ADAMTSL2: variants seen among roughly 807,000 people sequenced by gnomAD.
ADAMTSL2 encodes ADAMTS like 2, also known as ADAMTS-like protein 2.
Under a neutral mutation model 117.0 loss-of-function variants are expected in ADAMTSL2, and 55 were observed. The observed-to-expected ratio is 0.47, with a 90% CI of 0.38 to 0.59. The LOEUF is 0.59. Ranked by LOEUF, ADAMTSL2 falls within the 20% of genes least tolerant of loss-of-function variation. The pLI, the probability that ADAMTSL2 is intolerant of heterozygous loss-of-function variation, is 0.00. For missense variants in ADAMTSL2, 1,182 were observed against 1,354.5 expected (o/e 0.87, Z 2.00); for synonymous variants, 572 against 566.4 (o/e 1.01, Z -0.14).
chr9:133,538,256 A>G, intron 3 of ADAMTSL2, 93 bp from the exon 4 acceptor site: 1 of 1,463,346 alleles, frequency 6.8e-7, no homozygotes, highest in South Asian at 1.1e-5. Context: ...GGGTATCGGG[A>G]GATTCTGGAT....
At chr9:133,570,607 C>T in intron 17 of ADAMTSL2, 100 bp downstream of exon 17, 9 of 1,304,888 alleles carry the variant, frequency 6.9e-6, no homozygotes, top group South Asian at 1.3e-5. Flanking sequence ...TCCTGCTCCT[C>T]CCTCCCTGAC....
Position 133,574,748 on chromosome 9 carries a change from G to T in ADAMTSL2, c.2740G>T (p.Asp914Tyr). ...TTCGCTCTGTGTTCCTTCTCCAGATGACAGCTGCCAGGACCAGCCAGGCAC... is the reference window on the plus strand; with the variant it reads ...TTCGCTCTGTGTTCCTTCTCCAGATTACAGCTGCCAGGACCAGCCAGGCAC... ...LQPCPTEPPD[D>Y]SCQDQPGTNC... Residue 914 changes from aspartate to tyrosine, a missense_variant and splice_region_variant, in exon 19 of 19, where the codon GAC becomes TAC. Asp to Tyr is a radical substitution (Grantham distance 160). This residue lies in a region of ADAMTSL2 where 465 missense variants were observed against 565.3 expected (regional missense o/e 0.82). Transcript: ENST00000651351. 6.2e-7 allele frequency: 1 copy of T among 1,613,278 alleles called. No individual in the cohort carries two copies. Among genetic ancestry groups the T allele is most frequent in the Non-Finnish European group, 8.5e-7 (1 of 1,179,660 alleles).
Position 133,568,428 on chromosome 9 carries a change from G to A in ADAMTSL2, c.2030G>A (p.Arg677His), listed in dbSNP as rs991778063. The part of the protein sequence containing the change: ...EAAEAVRPEE[R>H]KTCRNPACGP... ...GCCGAGGCCGTGCGGCCCGAGGAAC[G>A]CAAGACCTGCCGGAACCCCGCCTGC... The change falls in exon 14 of 19, where the codon CGC becomes CAC. Residue 677 changes from arginine to histidine, a missense_variant. Arg to His is a conservative substitution (Grantham distance 29, BLOSUM62 0). This residue lies in a region of ADAMTSL2 where 465 missense variants were observed against 565.3 expected (regional missense o/e 0.82). Coordinates refer to ENST00000651351, the MANE Select transcript of ADAMTSL2 (RefSeq NM_014694.4). 85 of 1,608,782 alleles carry A rather than the reference G, an allele frequency of 5.3e-5. No homozygotes were observed. The highest frequency in any genetic ancestry group is 3.2e-4 in the South Asian group (29 of 90,366).
intron 8 of ADAMTSL2, among the ~76,000 whole-genome samples, chr9:133,545,019 G>T (rs1159301706): frequency 6.6e-6 from 1 of 152,208 alleles, no homozygotes. Context: ...TCCGCTGGGA[G>T]GCTGGGCTGT....
chr9:133,533,294 C>T (rs142153263), upstream of ADAMTSL2, among the ~76,000 whole-genome samples: 27 of 152,216 alleles, frequency 1.8e-4, 1 homozygote, highest in East Asian at 4.4e-3. Flanking sequence ...TGGTTCCACA[C>T]CGCAGGTGGC....
At chr9:133,544,701 G>A (rs1830307565) in intron 8 of ADAMTSL2, 151 bp downstream of exon 8, 2 of 771,104 alleles carry the variant, frequency 2.6e-6, no homozygotes, top group Middle Eastern at 2.3e-4. Context: ...CAGAACTTGA[G>A]CCAGCTGTGT....
At chr9:133,570,563 C>A in intron 17 of ADAMTSL2, 56 bp downstream of exon 17, 1 of 1,544,344 alleles carries the variant, frequency 6.5e-7, no homozygotes, top group Non-Finnish European at 8.8e-7. Flanking sequence ...GAATGTCGAT[C>A]CCGCCCCTCC....
Position 133,547,112 on chromosome 9 carries a change from G to A in ADAMTSL2, c.838G>A (p.Ala280Thr). The part of the protein sequence containing the change: ...KVDSPKNFNI[A>T]GTVVKYRRPM... Reference sequence around the variant, plus strand: ...GGACAGCCCCAAGAACTTCAACATCGCAGGCACGGTGGTCAAGTACAGGCG... The same window carrying A: ...GGACAGCCCCAAGAACTTCAACATCACAGGCACGGTGGTCAAGTACAGGCG... The change falls in exon 9 of 19, where the codon GCA becomes ACA. Residue 280 changes from alanine to threonine, a missense_variant. By Grantham distance (58) the Ala-to-Thr change is moderately conservative. Coordinates refer to ENST00000651351, the MANE Select transcript of ADAMTSL2 (RefSeq NM_014694.4). 1 of 1,613,874 alleles carries A rather than the reference G, an allele frequency of 6.2e-7. No homozygotes were observed. The highest frequency in any genetic ancestry group is 8.5e-7 in the Non-Finnish European group (1 of 1,179,784).
intron 18 of ADAMTSL2, 22 bp downstream of exon 18, chr9:133,574,009 G>C: frequency 1.2e-6 from 2 of 1,603,202 alleles, no homozygotes; most frequent in Non-Finnish European, 1.7e-6. Flanking sequence ...GGAGGCCGAG[G>C]GTGGCTCTGG....
rs1325833711 is a variant in ADAMTSL2 at position 133,575,053 on chromosome 9, C to T, written c.*189C>T. 1.3e-5 allele frequency: 8 copies of T among 603,440 alleles called. No homozygotes were observed. The highest frequency in any genetic ancestry group is 5.6e-5 in the Admixed American group (2 of 35,438). The allele number at this position is 603,440 out of a possible 1,614,324, so 37.4% of individuals were successfully genotyped here. ...CTTTGTGCTCCTGGGGCAGAGCCTC[C>T]GGCACCCAGTGGCCTCCCCCAGACA... On this transcript the variant is annotated 3_prime_UTR_variant, in exon 19 of 19. Transcript: ENST00000651351.
At chr9:133,539,686 G>GTCCCGGCTGTCCCGGCTTTCC in intron 4 of ADAMTSL2, 85 bp from the exon 5 acceptor site, 1 of 1,305,782 alleles carries the variant, frequency 7.7e-7, no homozygotes, top group Non-Finnish European at 1.1e-6. Context: ...TGTCCCGGCT[G>GTCCCGGCTGTCCCGGCTTTCC]CAGCCACTTC....
intron 17 of ADAMTSL2, among the ~76,000 whole-genome samples, chr9:133,571,019 C>T (rs910731988): frequency 3.9e-5 from 6 of 152,176 alleles, no homozygotes; most frequent in African/African-American, 7.2e-5. Flanking sequence ...CTGGCCCCTC[C>T]GAGATTCTTT....
In ADAMTSL2 at chr9:133,554,575, C is replaced by A. The variant is rs1013366056; in HGVS notation, c.1158C>A (p.Phe386Leu). Residue 386 changes from phenylalanine (F) to leucine (L), a missense_variant, in exon 10 of 19, where the codon TTC becomes TTA. By Grantham distance (22) the Phe-to-Leu change is conservative (BLOSUM62 0). This residue lies in a region of ADAMTSL2 where 345 missense variants were observed against 325.8 expected (regional missense o/e 1.06). Coordinates refer to ENST00000651351, the MANE Select transcript of ADAMTSL2 (RefSeq NM_014694.4). The surrounding 1 kb of genome is among the most constrained non-coding windows in gnomAD (Gnocchi z 5.2). Reference sequence around the variant, plus strand: ...GGCTGGGCCTGGACAACCGGCTGTTCGGCCACCCGGGCCTGGACATGGAGC... The same window carrying A: ...GGCTGGGCCTGGACAACCGGCTGTTAGGCCACCCGGGCCTGGACATGGAGC... The part of the protein sequence containing the change: ...SERLGLDNRL[F>L]GHPGLDMELG... 2 of 1,546,498 alleles carry A rather than the reference C, an allele frequency of 1.3e-6. No individual in the cohort carries two copies. The highest frequency in any genetic ancestry group is 1.7e-6 in the Non-Finnish European group (2 of 1,146,118).
intron 12 of ADAMTSL2, 82 bp downstream of exon 12, chr9:133,561,377 A>ACTAG: frequency 7.6e-7 from 1 of 1,312,222 alleles, no homozygotes; most frequent in South Asian, 1.3e-5. Context: ...GGGCCCACCC[A>ACTAG]CTAGCTTGCA....
Position 133,574,897 on chromosome 9 carries a change from C to A in ADAMTSL2, c.*33C>A. 6.5e-7 allele frequency: 1 copy of A among 1,547,196 alleles called. No homozygotes were observed. Among genetic ancestry groups the A allele is most frequent in the South Asian group, 1.1e-5 (1 of 89,986 alleles). Reference sequence around the variant, plus strand: ...AGCTGCAGCCCCTTCCAGATGAAGACCAAGCGCCCCTCCTGGGGCTGCTGC... The same window carrying A: ...AGCTGCAGCCCCTTCCAGATGAAGAACAAGCGCCCCTCCTGGGGCTGCTGC... On this transcript the variant is annotated 3_prime_UTR_variant, in exon 19 of 19. Transcript: ENST00000651351.
chr9:133,532,194 T>C (rs1022167591), upstream of ADAMTSL2: 1 of 152,122 alleles, frequency 6.6e-6, no homozygotes, highest in Non-Finnish European at 1.5e-5. Flanking sequence ...TTCTTTTTTT[T>C]CTCTCTCTTT....
rs1831025163 is a variant in ADAMTSL2, at chr9:133,568,374, G to C, written c.1976G>C (p.Ser659Thr). The C allele has an allele frequency of 6.2e-7, 1 of 1,604,250 alleles. No homozygotes were observed. The highest frequency in any genetic ancestry group is 1.7e-5 in the Admixed American group (1 of 58,862). The change falls in exon 14 of 19, where the codon AGC becomes ACC. Residue 659 changes from serine (S) to threonine (T), a missense_variant. By Grantham distance (58) the Ser-to-Thr change is moderately conservative. This residue lies in a region of ADAMTSL2 where 465 missense variants were observed against 565.3 expected (regional missense o/e 0.82). Transcript: ENST00000651351. ...AAGATGCTCTCGCCCGGCTTCGACA[G>C]CTCCGTGTACAGCGACCTGTGCGAG... ...CWKMLSPGFD[S>T]SVYSDLCEAA...
chr9:133,569,667 G>A (rs1435063384), intron 16 of ADAMTSL2, 89 bp downstream of exon 16: 20 of 1,324,764 alleles, frequency 1.5e-5, no homozygotes, highest in Non-Finnish European at 2.1e-5. Flanking sequence ...GACCACAGAT[G>A]GGTGAAAAAG....
At chr9:133,565,372 A>G (rs1226243350) in intron 12 of ADAMTSL2, among the ~76,000 whole-genome samples, 1 of 152,026 alleles carries the variant, frequency 6.6e-6, no homozygotes, top group Non-Finnish European at 1.5e-5. Context: ...GTCTCTCTTG[A>G]CCAAGGCCTG....
Sources: allele counts gnomAD v4.1 joint callset (sites outside exome capture counted in the v4.1 genomes callset), GRCh38; gene constraint gnomAD v4.1.1; regional missense constraint gnomAD v4.1.1; non-coding constraint Gnocchi (gnomAD v3.1); transcripts MANE v1.5; gene names NCBI Gene and HGNC (gene_info 2026-07-23, HGNC 2026-07-21).